The following NCKAP5 variants were observed in gnomAD, a reference collection of about 807,000 sequenced individuals.
NCKAP5 encodes the protein nck-associated protein 5.
Under a neutral mutation model 167.0 loss-of-function variants are expected in NCKAP5, and 92 were observed. The observed-to-expected ratio is 0.55, with a 90% CI of 0.47 to 0.66. The LOEUF (loss-of-function observed/expected upper bound fraction) is 0.66, where lower values mean the gene tolerates loss of function less well. NCKAP5 is among the 30% of genes least tolerant of loss of function. The pLI, the probability that NCKAP5 is intolerant of heterozygous loss-of-function variation, is 0.00. For missense variants in NCKAP5, 2,378 were observed against 2,315.0 expected (o/e 1.03, Z -0.56); for synonymous variants, 891 against 877.4 (o/e 1.02, Z -0.27).
intron 2 of NCKAP5, among the ~76,000 whole-genome samples, chr2:133,540,284 G>GC (rs1686119828): frequency 6.6e-6 from 1 of 152,140 alleles, no homozygotes; most frequent in African/African-American, 2.4e-5. Flanking sequence ...TATGAGAGAT[G>GC]TTTTTTAAAT....
rs1462900482 is a variant in NCKAP5 at position 133,313,648 on chromosome 2, TG to T, written c.70-10539del. 5.3e-5 allele frequency among the ~76,000 whole-genome samples: 8 copies of T among 152,164 alleles called. No individual in the cohort carries two copies. In the South Asian group the frequency reaches 8.3e-4, roughly 16 times the overall value. ...AAAATAAGTTCACTTATTTTGTTTT[TG>T]TTTTTTTTTTCTGAGGTAGAAATAA... On this transcript the variant is annotated intron_variant, in intron 3 of 19. Transcript: ENST00000409261.
intron 11 of NCKAP5, among the ~76,000 whole-genome samples, chr2:132,858,197 A>C (rs1281940267): frequency 6.6e-6 from 1 of 152,132 alleles, no homozygotes; most frequent in Non-Finnish European, 1.5e-5. Flanking sequence ...AGGGTCAATA[A>C]TATTTGGAAC....
At chr2:133,462,435 A>C (rs1377914255) in intron 3 of NCKAP5, among the ~76,000 whole-genome samples, 3 of 152,186 alleles carry the variant, frequency 2.0e-5, no homozygotes, top group African/African-American at 7.2e-5. Flanking sequence ...TGGGTTTTTA[A>C]AACTGTGTAT....
intron 6 of NCKAP5, among the ~76,000 whole-genome samples, chr2:133,048,816 G>A (rs868143192): frequency 6.6e-6 from 1 of 152,086 alleles, no homozygotes; most frequent in Non-Finnish European, 1.5e-5. Context: ...ACATTGTTTT[G>A]GCTTGTCCCT....
At chr2:132,913,995 C>T (rs1465007141) in intron 8 of NCKAP5, among the ~76,000 whole-genome samples, 7 of 152,146 alleles carry the variant, frequency 4.6e-5, no homozygotes, top group Non-Finnish European at 8.8e-5. Context: ...CCAAGGGGTC[C>T]TTTTAAGATT....
Position 132,783,633 on chromosome 2 carries a change from C to G in NCKAP5, c.3178G>C (p.Asp1060His), listed in dbSNP as rs149274377. The G allele has an allele frequency of 1.8e-4, 286 of 1,613,876 alleles. 1 individual carries two copies. In the African/African-American group the frequency reaches 3.4e-3, roughly 19 times the overall value. The part of the protein sequence containing the change: ...PRQTLGTPQR[D>H]IGLQTPRISP... ...ATCCTGGGAGTCTGTAATCCTATGT[C>G]CCTTTGTGGGGTCCCAAGTGTTTGG... is the stretch of plus-strand genomic sequence containing the variant. Residue 1060 changes from aspartate to histidine, a missense_variant, in exon 14 of 20, where the codon GAC (aspartate) becomes CAC (histidine). By Grantham distance (81) the Asp-to-His change is moderately conservative. Around this residue, in one of 3 missense-constraint regions of NCKAP5, gnomAD observed 1,325 missense variants for 1,274.5 expected, o/e 1.04. Coordinates refer to ENST00000409261, the MANE Select transcript of NCKAP5 (RefSeq NM_207363.3).
chr2:132,722,456 C>T (rs1303209526), intron 19 of NCKAP5, among the ~76,000 whole-genome samples: 3 of 152,202 alleles, frequency 2.0e-5, no homozygotes, highest in African/African-American at 4.8e-5. Flanking sequence ...CCCCAGCCCT[C>T]CTCTTCCTTC....
chr2:133,404,204 C>T (rs1390026860), intron 3 of NCKAP5, among the ~76,000 whole-genome samples: 2 of 152,180 alleles, frequency 1.3e-5, no homozygotes, highest in Non-Finnish European at 2.9e-5. Flanking sequence ...AGAAAATGAA[C>T]ATTTGGGCTC....
At chr2:133,044,853 T>C (rs148296483) in intron 6 of NCKAP5, among the ~76,000 whole-genome samples, 3,392 of 152,056 alleles carry the variant, frequency 0.022, 65 homozygotes, top group Non-Finnish European at 0.035. Context: ...GGTAGGAAGA[T>C]CACTTGAGCA....
chr2:133,009,564 C>T (rs1453479128), intron 6 of NCKAP5, among the ~76,000 whole-genome samples: 3 of 152,154 alleles, frequency 2.0e-5, no homozygotes, highest in African/African-American at 7.2e-5. Flanking sequence ...TGTATTCATT[C>T]ATTCATGTAT....
chr2:133,201,701 C>T (rs137933232), intron 5 of NCKAP5, among the ~76,000 whole-genome samples: 13 of 152,168 alleles, frequency 8.5e-5, no homozygotes, highest in South Asian at 4.1e-4. Flanking sequence ...GTAAGTTTTA[C>T]GACAATTTCT....
At chr2:133,398,264 C>T (rs565216142) in intron 3 of NCKAP5, among the ~76,000 whole-genome samples, 1 of 152,276 alleles carries the variant, frequency 6.6e-6, no homozygotes, top group East Asian at 1.9e-4. Context: ...TAATATTTTG[C>T]AGACATCTGT....
intron 4 of NCKAP5, among the ~76,000 whole-genome samples, chr2:133,299,674 C>T (rs1377878478): frequency 6.6e-6 from 1 of 152,128 alleles, no homozygotes; most frequent in Non-Finnish European, 1.5e-5. Flanking sequence ...CTGCTTGAAC[C>T]AGGGAGGTGG....
chr2:133,063,950 C>T (rs1162923236), intron 6 of NCKAP5, among the ~76,000 whole-genome samples: 1 of 152,148 alleles, frequency 6.6e-6, no homozygotes, highest in Non-Finnish European at 1.5e-5. Flanking sequence ...CTAGTGAACC[C>T]CTTGCTCCTT....
chr2:133,252,172 G>T (rs1248032857), intron 4 of NCKAP5, among the ~76,000 whole-genome samples: 2 of 152,148 alleles, frequency 1.3e-5, no homozygotes. Flanking sequence ...CACATCTCCT[G>T]ATTAAACAAA....
chr2:132,941,548 T>G (rs1020083794), intron 8 of NCKAP5, among the ~76,000 whole-genome samples: 1 of 152,126 alleles, frequency 6.6e-6, no homozygotes, highest in Admixed American at 6.5e-5. Flanking sequence ...GTGACCCTTT[T>G]TACTATCTGG....
chr2:133,409,900 T>C (rs1477490711), intron 3 of NCKAP5, among the ~76,000 whole-genome samples: 3 of 152,210 alleles, frequency 2.0e-5, no homozygotes, highest in Non-Finnish European at 4.4e-5. Flanking sequence ...AAAAGGTTCT[T>C]ACACATAATA....
At chr2:132,881,977 G>A (rs1391091945) in intron 8 of NCKAP5, among the ~76,000 whole-genome samples, 4 of 152,050 alleles carry the variant, frequency 2.6e-5, no homozygotes, top group African/African-American at 9.7e-5. Context: ...CTACATTTAT[G>A]AGTTGACATT....
chr2:133,377,229 A>C (rs564357953), intron 3 of NCKAP5, among the ~76,000 whole-genome samples: 2 of 152,326 alleles, frequency 1.3e-5, no homozygotes, highest in East Asian at 3.9e-4. Context: ...AAGTTACATA[A>C]TCAAAACAGA....
Sources: gnomAD v4.1 joint callset for allele counts (sites outside exome capture counted in the v4.1 genomes callset) on GRCh38, gnomAD v4.1.1 for gene constraint, gnomAD v4.1.1 regional missense constraint, MANE v1.5 for transcripts, NCBI Gene and HGNC (gene_info 2026-07-23, HGNC 2026-07-21) for gene names.